ATG2A: variants seen among roughly 807,000 people sequenced by gnomAD.
ATG2A encodes autophagy-related protein 2 homolog A.
In ATG2A, 103 loss-of-function variants were observed where a neutral mutation model predicts 214.2. That is an observed-to-expected ratio of 0.48 (90% CI 0.41 to 0.57). The LOEUF is 0.57. Among genes scored for constraint, ATG2A ranks in the 20% least tolerant of loss-of-function variants. ATG2A has a pLI of 0.00. For synonymous variants in ATG2A, 1,160 were observed against 1,142.1 expected, an observed-to-expected ratio of 1.02 and a Z score of -0.32; for missense variants, 2,312 against 2,613.2, an observed-to-expected ratio of 0.88 and a Z score of 2.51.
chr11:64,897,477 G>A lies in ATG2A; in HGVS notation c.5085C>T (p.Leu1695=). 3 of 1,579,518 alleles carry A rather than the reference G, an allele frequency of 1.9e-6. 1 individual carries two copies. Residue 1695 remains leucine, a synonymous_variant, in exon 37 of 41, where the codon CTC becomes CTT. Transcript: ENST00000377264. ...TMDQVGTFAG[L]LIGLAQLNCS... ...AGTTGAGTTGGGCCAGGCCGATGAG[G>A]AGGCCAGCAAAAGTGCCCTGGGAGA...
Position 64,902,516 on chromosome 11 carries a change from C to T in ATG2A, c.3777G>A (p.Lys1259=). The change falls in exon 27 of 41, where the codon AAG becomes AAA. Residue 1259 remains lysine, a splice_region_variant and synonymous_variant. Coordinates refer to ENST00000377264, the MANE Select transcript of ATG2A (RefSeq NM_015104.3). ...PPSPTEIAGQ[K]LSESPASLPS... Reference sequence around the variant, plus strand: ...CTGTGTGGCCAGGCCTCACCTGTACCTTCTGGCCGGCGATCTCCGTGGGGC... The same window carrying T: ...CTGTGTGGCCAGGCCTCACCTGTACTTTCTGGCCGGCGATCTCCGTGGGGC... 1 of 1,536,014 alleles carries T rather than the reference C, an allele frequency of 6.5e-7. No individual in the cohort carries two copies. Among genetic ancestry groups the T allele is most frequent in the Non-Finnish European group, 8.8e-7 (1 of 1,140,334 alleles).
Position 64,895,419 on chromosome 11 carries a change from G to C in ATG2A, c.5451C>G (p.Asp1817Glu). 6.3e-7 allele frequency: 1 copy of C among 1,599,334 alleles called. No homozygotes were observed. Among genetic ancestry groups the C allele is most frequent in the South Asian group, 1.1e-5 (1 of 89,522 alleles). The change falls in exon 40 of 41, where the codon GAC becomes GAG. Residue 1817 changes from aspartate to glutamate, a missense_variant. Coordinates refer to ENST00000377264, the MANE Select transcript of ATG2A (RefSeq NM_015104.3). This position sits in a 1 kb window ranked among gnomAD's most constrained non-coding sequence, Gnocchi z 5.0. ...AIQATAETVY[D>E]ILSPAAPVSR... ...AGACGGGGGCTGCCGGGGACAGGATGTCATACACGGTCTCAGCTGTGGCCT... is the reference window on the plus strand; with the variant it reads ...AGACGGGGGCTGCCGGGGACAGGATCTCATACACGGTCTCAGCTGTGGCCT...
rs1369229274 is a variant in ATG2A, at chr11:64,911,067, G to A, written c.1437C>T (p.Phe479=). The change falls in exon 10 of 41, where the codon TTC becomes TTT. Residue 479 remains phenylalanine, a synonymous_variant. Transcript: ENST00000377264. ...SRDFHHLRPR[F]QRACPCSHVR... ...CATGGCTACAGGGACAGGCCCTCTGGAAGCGTGGTCGAAGGTGATGGAAGT... is the reference window on the plus strand; with the variant it reads ...CATGGCTACAGGGACAGGCCCTCTGAAAGCGTGGTCGAAGGTGATGGAAGT... The A allele has an allele frequency of 3.7e-6, 6 of 1,613,988 alleles. No individual in the cohort carries two copies. Among genetic ancestry groups the A allele is most frequent in the Non-Finnish European group, 5.1e-6 (6 of 1,180,014 alleles).
Position 64,896,610 on chromosome 11 carries a change from C to G in ATG2A, c.5279G>C (p.Gly1760Ala). The G allele has an allele frequency of 6.2e-7, 1 of 1,613,584 alleles. No homozygotes were observed. Among genetic ancestry groups the G allele is most frequent in the Non-Finnish European group, 8.5e-7 (1 of 1,179,574 alleles). ...PMHSVVQLFQ[G>A]FRDLLWLPIE... The stretch of plus-strand genomic sequence containing the variant: ...GGGCAGCCACAGCAGGTCCCGGAAC[C>G]CTTGGACTAGGGGGAAGGAGCGCTC... The change falls in exon 39 of 41, where the codon GGG (glycine) becomes GCG (alanine). Residue 1760 changes from glycine (G) to alanine (A), a missense_variant. Gly to Ala is a moderately conservative substitution (Grantham distance 60). Transcript: ENST00000377264.
chr11:64,911,761 T>C, intron 9 of ATG2A, 81 bp downstream of exon 9: 1 of 1,561,192 alleles, frequency 6.4e-7, no homozygotes, highest in Non-Finnish European at 8.7e-7. Flanking sequence ...GGATTTCCTG[T>C]GTGCCTCTGA....
rs771794827 is a variant in ATG2A at position 64,907,839 on chromosome 11, G to A, written c.2416C>T (p.Leu806=). ...EEMRTFQSRT[L]ALSRCSLEVI... ...TCCAGGCTGCAGCGGGACAGTGCCA[G>A]GGTCCGGCTCTGGAACGTCCTCATC... Residue 806 remains leucine, a synonymous_variant, in exon 17 of 41, where the codon CTG becomes TTG. Transcript: ENST00000377264. The A allele has an allele frequency of 6.2e-7, 1 of 1,613,370 alleles. No individual in the cohort carries two copies. Among genetic ancestry groups the A allele is most frequent in the Non-Finnish European group, 8.5e-7 (1 of 1,179,936 alleles).
Position 64,896,539 on chromosome 11 carries a change from G to A in ATG2A, c.5350C>T (p.Arg1784Ter), listed in dbSNP as rs150095885. The change falls in exon 39 of 41, where the codon CGA becomes TGA. Residue 1784 changes from arginine (R) to a stop codon, truncating the protein, a stop_gained. Transcript: ENST00000377264. LOFTEE classifies it high-confidence loss of function. ...KDGRLMRGLQ[R>*]GAASFGSSTA... ...GATGAGCCAAAGGAGGCAGCCCCTC[G>A]CTGCAGCCCCCGCATGAGGCGGCCA... The A allele has an allele frequency of 5.0e-6, 8 of 1,613,960 alleles. No homozygotes were observed. Among genetic ancestry groups the A allele is most frequent in the Non-Finnish European group, 6.8e-6 (8 of 1,179,946 alleles).
chr11:64,902,348 TG>T lies in ATG2A; in HGVS notation c.3815del (p.Pro1272GlnfsTer66). On this transcript the variant is annotated frameshift_variant, in exon 28 of 41. Transcript: ENST00000377264. LOFTEE classifies it high-confidence loss of function. ...GCTGGTTGATGAGGGCCGTCTCCAC[TG>T]GGGGGCACGAGGGCAGAGAGGCAGG... Reference protein sequence around the residue: ...ESPASLPSCPPVETALINQRD... With the variant: ...ESPASLPSCPXVETALINQRD... 7 of 1,603,872 alleles carry T rather than the reference TG, an allele frequency of 4.4e-6. No individual in the cohort carries two copies. Among genetic ancestry groups the T allele is most frequent in the South Asian group, 1.1e-5 (1 of 89,802 alleles).
In ATG2A at chr11:64,895,022, G is replaced by A; in HGVS notation, c.5768C>T (p.Ala1923Val). Residue 1923 changes from alanine to valine, a missense_variant, in exon 41 of 41, where the codon GCC becomes GTC. Transcript: ENST00000377264. This position sits in a 1 kb window ranked among gnomAD's most constrained non-coding sequence, Gnocchi z 5.0. ...GGMRNQIVPDAHKDHALKWRS... is the reference protein window; with the variant it reads ...GGMRNQIVPDVHKDHALKWRS... Reference sequence around the variant, plus strand: ...CCACTTGAGGGCGTGGTCCTTGTGGGCGTCGGGGACAATCTGGTTGCGCAT... The same window carrying A: ...CCACTTGAGGGCGTGGTCCTTGTGGACGTCGGGGACAATCTGGTTGCGCAT... 1 of 1,613,184 alleles carries A rather than the reference G, an allele frequency of 6.2e-7. No individual in the cohort carries two copies. The highest frequency in any genetic ancestry group is 8.5e-7 in the Non-Finnish European group (1 of 1,179,518).
In ATG2A at chr11:64,916,980, G is replaced by T; in HGVS notation, c.156C>A (p.Ile52=). 1.9e-6 allele frequency: 3 copies of T among 1,613,562 alleles called. No individual in the cohort carries two copies. The highest frequency in any genetic ancestry group is 2.5e-6 in the Non-Finnish European group (3 of 1,179,978). The change falls in exon 1 of 41, where the codon ATC becomes ATA. Residue 52 remains isoleucine, a synonymous_variant. Transcript: ENST00000377264. ...LYKGSVALRD[I]HLEIWSVNEV... ...GGCTCCTCACCCAGATTTCCAGGTG[G>T]ATGTCTCGCAGGGCAACGCTGCCCT...
chr11:64,897,413 C>T lies in ATG2A; in HGVS notation c.5149G>A (p.Gly1717Arg), dbSNP rs1304972150. The T allele has an allele frequency of 3.8e-6, 6 of 1,560,828 alleles. No individual in the cohort carries two copies. Among genetic ancestry groups the T allele is most frequent in the Non-Finnish European group, 5.2e-6 (6 of 1,152,288 alleles). The change falls in exon 37 of 41, where the codon GGG (glycine) becomes AGG (arginine). Residue 1717 changes from glycine to arginine, a missense_variant and splice_region_variant. Gly to Arg is a moderately radical substitution (Grantham distance 125). Coordinates refer to ENST00000377264, the MANE Select transcript of ATG2A (RefSeq NM_015104.3). The part of the protein sequence containing the change: ...LKLKRLCCRH[G>R]LLGVDKVLGY... ...GAGGCTGGGGTGCTGGGGACTCACC[C>T]GTGCCTGCAACAGAGCCGCTTTAGC... is the stretch of plus-strand genomic sequence containing the variant.
At chr11:64,900,692 G>A (rs1423709368) in intron 30 of ATG2A, 63 bp from the exon 31 acceptor site, 23 of 1,501,282 alleles carry the variant, frequency 1.5e-5, no homozygotes, top group African/African-American at 2.8e-5. Flanking sequence ...CGTCCTCAGC[G>A]GGCCTTTTAG....
In ATG2A at chr11:64,903,749, G is replaced by A; in HGVS notation, c.3465-89C>T. ...GAGCAGAGGGGTCCCAAGCCCACAGGAGGTGGTATGGACAGGCCCCTCCAG... is the reference window on the plus strand; with the variant it reads ...GAGCAGAGGGGTCCCAAGCCCACAGAAGGTGGTATGGACAGGCCCCTCCAG... On this transcript the variant is annotated intron_variant, in intron 24 of 40. Transcript: ENST00000377264. The surrounding 1 kb of genome is among the most constrained non-coding windows in gnomAD (Gnocchi z 4.2). 2.3e-6 allele frequency: 3 copies of A among 1,304,658 alleles called. No homozygotes were observed. The highest frequency in any genetic ancestry group is 2.8e-5 in the South Asian group (2 of 71,866). 80.8% of individuals were successfully genotyped at this position (1,304,658 alleles called of 1,614,324 possible).
chr11:64,897,983 G>T lies in ATG2A; in HGVS notation c.4859-9C>A. On this transcript the variant is annotated splice_polypyrimidine_tract_variant and intron_variant, in intron 34 of 40. Transcript: ENST00000377264. ...TCGAGTCTCGGGGCGAGCTAGGGGA[G>T]GGGAGGTCACAGACTGGGGATGGGG... is the stretch of plus-strand genomic sequence containing the variant. 6.4e-7 allele frequency: 1 copy of T among 1,564,684 alleles called. No homozygotes were observed.
At chr11:64,899,076 G>T (rs1011603444) in intron 31 of ATG2A, among the ~76,000 whole-genome samples, 2 of 152,190 alleles carry the variant, frequency 1.3e-5, no homozygotes, top group Admixed American at 1.3e-4. Context: ...ACCACACCCA[G>T]CTAATTTTAG....
Position 64,917,175 on chromosome 11 carries a change from C to G in ATG2A, c.-40G>C. The G allele has an allele frequency of 1.3e-6, 2 of 1,555,812 alleles. No individual in the cohort carries two copies. Among genetic ancestry groups the G allele is most frequent in the Non-Finnish European group, 1.7e-6 (2 of 1,150,364 alleles). On this transcript the variant is annotated 5_prime_UTR_variant, in exon 1 of 41. Transcript: ENST00000377264. ...GGCCTGGGCCGCCTCCGCTTGCCGC[C>G]CGCCGGCGATCCCCGTCCGGCTCCG...
In ATG2A at chr11:64,910,810, C is replaced by A; in HGVS notation, c.1611G>T (p.Thr537=). The A allele has an allele frequency of 6.2e-7, 1 of 1,610,368 alleles. No homozygotes were observed. Among genetic ancestry groups the A allele is most frequent in the Non-Finnish European group, 8.5e-7 (1 of 1,178,692 alleles). The change falls in exon 11 of 41, where the codon ACG becomes ACT. Residue 537 remains threonine (T), a synonymous_variant. Transcript: ENST00000377264. The part of the protein sequence containing the change: ...WPRGTSEPEY[T]EILTFPGTLG... The stretch of plus-strand genomic sequence containing the variant: ...CACATTCTGCCTCTGCCCTCACCTC[C>A]GTGTACTCAGGCTCAGAGGTGCCCC...
rs138013965 is a variant in ATG2A at position 64,898,849 on chromosome 11, G to T, written c.4465-7C>A. The T allele has an allele frequency of 5.9e-4, 953 of 1,605,458 alleles. 5 individuals carry two copies. In the East Asian group the frequency reaches 7.0e-3, roughly 12 times the overall value. ...CCTCGTGCTGGAAGCTTACCTGTGG[G>T]GTGGACAGAGGCCTGGCCAGGTAAG... On this transcript the variant is annotated splice_polypyrimidine_tract_variant and splice_region_variant and intron_variant, in intron 31 of 40. Coordinates refer to ENST00000377264, the MANE Select transcript of ATG2A (RefSeq NM_015104.3). The surrounding 1 kb of genome is among the most constrained non-coding windows in gnomAD (Gnocchi z 4.5).
rs1384593358 is a variant in ATG2A, at chr11:64,913,122, C to T, written c.741G>A (p.Glu247=). The T allele has an allele frequency of 1.6e-5, 25 of 1,579,436 alleles. No homozygotes were observed. Among genetic ancestry groups the T allele is most frequent in the Non-Finnish European group, 2.1e-5 (24 of 1,159,222 alleles). Residue 247 remains glutamate, a synonymous_variant, in exon 6 of 41, where the codon GAG becomes GAA. Transcript: ENST00000377264. This position sits in a 1 kb window ranked among gnomAD's most constrained non-coding sequence, Gnocchi z 4.3. The part of the protein sequence containing the change: ...EELPAQEEPP[E]PPLQIGSCSG... The stretch of plus-strand genomic sequence containing the variant: ...AGCAGCTGCCGATCTGCAAGGGGGG[C>T]TCTGGAGGCTCTTCCTGGGAGACGG...
Sources: allele counts gnomAD v4.1 joint callset (sites outside exome capture counted in the v4.1 genomes callset), GRCh38; gene constraint gnomAD v4.1.1; non-coding constraint Gnocchi (gnomAD v3.1); transcripts MANE v1.5; gene names NCBI Gene and HGNC (gene_info 2026-07-23, HGNC 2026-07-21).